The following NRG1 variants were observed in gnomAD, a reference collection of about 807,000 sequenced individuals.
NRG1 encodes pro-neuregulin-1, membrane-bound isoform.
NRG1 carries 18 observed loss-of-function variants against 63.8 expected under a neutral mutation model. The ratio of observed to expected loss-of-function variants is 0.28; its 90% CI spans 0.19 to 0.42. The LOEUF (loss-of-function observed/expected upper bound fraction) is 0.42. Among genes scored for constraint, NRG1 ranks in the 10% least tolerant of loss-of-function variants. NRG1 has a pLI of 1.00. For missense variants in NRG1, 762 were observed against 814.7 expected (o/e 0.94, Z 0.79); for synonymous variants, 302 against 301.3 (o/e 1.00, Z -0.02).
chr8:32,771,706 T>TGAAAAAAAAAAA (rs1554673046), downstream of NRG1, among the ~76,000 whole-genome samples: 2 of 80,242 alleles, frequency 2.5e-5, no homozygotes, highest in African/African-American at 9.1e-5. Flanking sequence ...TCCATTTCTT[T>TGAAAAAAAAAAA]AAAAAAAAAA....
At chr8:32,478,187 C>T (rs1341289608) in intron 1 of NRG1, among the ~76,000 whole-genome samples, 3 of 152,210 alleles carry the variant, frequency 2.0e-5, no homozygotes, top group Non-Finnish European at 2.9e-5. Context: ...GTAGGCTTTG[C>T]TAATGGTGTT....
At chr8:32,390,498 G>C (rs1054968965) in intron 1 of NRG1, among the ~76,000 whole-genome samples, 3 of 151,744 alleles carry the variant, frequency 2.0e-5, no homozygotes, top group Non-Finnish European at 2.9e-5. Flanking sequence ...AGCTACTCAG[G>C]AGCCTGAGGT....
chr8:32,328,916 T>G (rs918323481), intron 1 of NRG1, among the ~76,000 whole-genome samples: 4 of 125,252 alleles, frequency 3.2e-5, no homozygotes, highest in African/African-American at 1.4e-4. Context: ...GACTGTGACG[T>G]GGAAGGTGGA....
chr8:32,553,730 G>A (rs1307395779), intron 1 of NRG1, among the ~76,000 whole-genome samples: 1 of 152,134 alleles, frequency 6.6e-6, no homozygotes, highest in African/African-American at 2.4e-5. Context: ...AAACAAAAGT[G>A]TGCACCAACC....
Position 31,819,516 on chromosome 8 carries a change from G to A in NRG1, c.37+180085G>A, listed in dbSNP as rs186028740. Among the ~76,000 whole-genome samples, 290 of 152,030 alleles carry A rather than the reference G, an allele frequency of 1.9e-3. 1 individual carries two copies. The highest frequency in any genetic ancestry group is 6.7e-3 in the African/African-American group (277 of 41,452). On this transcript the variant is annotated intron_variant, in intron 1 of 10. Transcript: ENST00000519301. ...GGCCATACCCAGAATCCTTTCCTTC[G>A]AATAAAATAACCTCTTTTCCCAAAC...
chr8:31,898,128 T>C (rs1316886857), intron 1 of NRG1, among the ~76,000 whole-genome samples: 19 of 151,802 alleles, frequency 1.3e-4, no homozygotes, highest in Admixed American at 1.2e-3. Flanking sequence ...ACATCTTACA[T>C]ATATTGATTG....
intron 5 of NRG1, among the ~76,000 whole-genome samples, chr8:32,727,446 C>A (rs2129014054): frequency 6.6e-6 from 1 of 152,254 alleles, no homozygotes; most frequent in South Asian, 2.1e-4. Context: ...TCATTTGGAA[C>A]AAATAAGCCA....
chr8:32,071,872 A>G (rs764148046), intron 1 of NRG1, among the ~76,000 whole-genome samples: 7 of 152,196 alleles, frequency 4.6e-5, no homozygotes, highest in Admixed American at 4.6e-4. Context: ...TAGATCATTC[A>G]TACAATGAGA....
intron 1 of NRG1, among the ~76,000 whole-genome samples, chr8:32,371,424 A>G (rs1808843540): frequency 6.6e-6 from 1 of 152,164 alleles, no homozygotes; most frequent in Non-Finnish European, 1.5e-5. Context: ...TCAGTTTTTA[A>G]AAGATGGGCT....
chr8:32,312,796 T>A (rs1856970940), intron 1 of NRG1, among the ~76,000 whole-genome samples: 1 of 151,870 alleles, frequency 6.6e-6, no homozygotes, highest in Non-Finnish European at 1.5e-5. Context: ...CTTCCTTCCT[T>A]CCTTCCTTCC....
rs117407247 is a variant in NRG1 at position 31,720,902 on chromosome 8, C to G, written c.37+81471C>G. On this transcript the variant is annotated intron_variant, in intron 1 of 10. Transcript: ENST00000519301. ...AGTAAAGGAATGCTTCATGGATAAA[C>G]AGAGGCAATACCTGGAGCTAATCTT... Among the ~76,000 whole-genome samples, 588 of 152,262 alleles carry G rather than the reference C, an allele frequency of 3.9e-3. 1 individual carries two copies. The highest frequency in any genetic ancestry group is 0.019 in the South Asian group (92 of 4,822).
chr8:32,437,448 T>C (rs533467869), intron 1 of NRG1, among the ~76,000 whole-genome samples: 1 of 152,324 alleles, frequency 6.6e-6, no homozygotes, highest in South Asian at 2.1e-4. Flanking sequence ...CATGTTTACC[T>C]CTGTCTTGCC....
intron 1 of NRG1, among the ~76,000 whole-genome samples, chr8:32,530,106 C>CT (rs367967885): frequency 5.2e-4 from 78 of 148,636 alleles, no homozygotes; most frequent in Non-Finnish European, 6.7e-4. Flanking sequence ...CATTATAATC[C>CT]TTTTTTTTTT....
Position 32,407,275 on chromosome 8 carries a change from TTA to T in NRG1, c.38-188535_38-188534del, listed in dbSNP as rs529128261. ...ATATATGTGTGTGTGTATATATATA[TTA>T]TATATATATATATATATTATATATA... On this transcript the variant is annotated intron_variant, in intron 1 of 10. Transcript: ENST00000519301. Among the ~76,000 whole-genome samples the T allele has an allele frequency of 5.7e-3, 270 of 47,554 alleles. 1 individual carries two copies. The highest frequency in any genetic ancestry group is 0.018 in the African/African-American group (251 of 14,214). 31.2% of individuals were successfully genotyped at this position (47,554 alleles called of 152,430 possible).
At chr8:32,357,845 A>ATTT (rs1175869519) in intron 1 of NRG1, among the ~76,000 whole-genome samples, 1 of 152,234 alleles carries the variant, frequency 6.6e-6, no homozygotes, top group East Asian at 1.9e-4. Flanking sequence ...AAACAATTAA[A>ATTT]GAGATACTTT....
intron 1 of NRG1, among the ~76,000 whole-genome samples, chr8:32,238,225 A>G (rs931732489): frequency 6.6e-6 from 1 of 151,994 alleles, no homozygotes; most frequent in Non-Finnish European, 1.5e-5. Context: ...CAATTTGGGA[A>G]GCAGAGGCAG....
intron 1 of NRG1, among the ~76,000 whole-genome samples, chr8:31,696,573 C>T (rs900122457): frequency 2.6e-5 from 4 of 152,162 alleles, no homozygotes; most frequent in Non-Finnish European, 5.9e-5. Context: ...AGGGATGGAC[C>T]TGATGTGTCT....
chr8:32,066,744 T>A (rs1824888982), intron 1 of NRG1, among the ~76,000 whole-genome samples: 1 of 152,218 alleles, frequency 6.6e-6, no homozygotes. Context: ...GGTAGCTTGA[T>A]GGGGATGGCA....
intron 1 of NRG1, among the ~76,000 whole-genome samples, chr8:31,945,940 A>G (rs1026993602): frequency 6.6e-6 from 1 of 152,200 alleles, no homozygotes; most frequent in African/African-American, 2.4e-5. Flanking sequence ...AAGATCATTA[A>G]TAAAGATGAA....
Sources: gnomAD v4.1 joint callset for allele counts (sites outside exome capture counted in the v4.1 genomes callset) on GRCh38, gnomAD v4.1.1 for gene constraint, MANE v1.5 for transcripts, NCBI Gene and HGNC (gene_info 2026-07-23, HGNC 2026-07-21) for gene names.